The following NIM1K variants were observed in gnomAD, a reference collection of about 807,000 sequenced individuals.
NIM1K encodes the protein NIM1 serine/threonine protein kinase.
Under a neutral mutation model 37.1 loss-of-function variants are expected in NIM1K, and 35 were observed. That is an observed-to-expected ratio of 0.94 (90% CI 0.72 to 1.25). The LOEUF is 1.25. Ranked by LOEUF, NIM1K falls within the 50% of genes most tolerant of loss-of-function variation. The pLI is 0.00. For missense variants in NIM1K, 564 were observed against 548.0 expected, an observed-to-expected ratio of 1.03 and a Z score of -0.29; for synonymous variants, 234 against 206.6, an observed-to-expected ratio of 1.13 and a Z score of -1.14.
At chr5:43,206,717 G>A in intron 1 of NIM1K, 2 of 718,460 alleles carry the variant, frequency 2.8e-6, no homozygotes, top group East Asian at 2.6e-5. Context: ...CACTAAGGCA[G>A]CAGCACAGCA....
chr5:43,255,754 A>AGAAAGAAAGAAAG (rs1554016084), intron 2 of NIM1K, among the ~76,000 whole-genome samples: 1 of 131,808 alleles, frequency 7.6e-6, no homozygotes, highest in Admixed American at 8.1e-5. Context: ...TCTCAAAAAA[A>AGAAAGAAAGAAAG]AAAGAAAGAA....
At chr5:43,193,309 C>G (rs1751860393) in intron 1 of NIM1K, 1 of 151,522 alleles carries the variant, frequency 6.6e-6, no homozygotes, top group East Asian at 1.9e-4. Flanking sequence ...TTTCCCTCTT[C>G]TCCCTCCCTC....
At chr5:43,249,885 C>T (rs1417491320) in intron 2 of NIM1K, among the ~76,000 whole-genome samples, 2 of 135,786 alleles carry the variant, frequency 1.5e-5, no homozygotes, top group Non-Finnish European at 3.1e-5. Flanking sequence ...TGGAGTCTCG[C>T]TCTGTTGCCC....
intron 2 of NIM1K, among the ~76,000 whole-genome samples, chr5:43,274,703 G>A (rs1035298355): frequency 1.3e-5 from 2 of 152,212 alleles, no homozygotes; most frequent in Non-Finnish European, 2.9e-5. Flanking sequence ...CCACCGCTCA[G>A]TATTGCCTCC....
At chr5:43,198,207 C>CTTTCTTTCTTTCTCTCTCTTTCTT (rs1281355308) in intron 1 of NIM1K, among the ~76,000 whole-genome samples, 1 of 48,872 alleles carries the variant, frequency 2.0e-5, no homozygotes. Context: ...TTCTTTCTTT[C>CTTTCTTTCTTTCTCTCTCTTTCTT]TCTTTCTTTC....
At chr5:43,267,228 T>A (rs1405495988) in intron 2 of NIM1K, among the ~76,000 whole-genome samples, 1 of 152,194 alleles carries the variant, frequency 6.6e-6, no homozygotes, top group Non-Finnish European at 1.5e-5. Flanking sequence ...TTCTTCTATG[T>A]TTTTTAGTTT....
chr5:43,199,402 T>A (rs1751985960), intron 1 of NIM1K, among the ~76,000 whole-genome samples: 1 of 151,904 alleles, frequency 6.6e-6, no homozygotes. Context: ...TTATTTTTCT[T>A]GCAGAAGAAG....
intron 1 of NIM1K, among the ~76,000 whole-genome samples, chr5:43,200,811 C>T (rs1024695083): frequency 6.6e-6 from 1 of 152,070 alleles, no homozygotes; most frequent in Non-Finnish European, 1.5e-5. Context: ...AGAGAAGTAA[C>T]TGGGTTGGAC....
intron 1 of NIM1K, among the ~76,000 whole-genome samples, chr5:43,236,256 T>C (rs1357930932): frequency 2.0e-5 from 3 of 151,406 alleles, no homozygotes; most frequent in African/African-American, 7.3e-5. Flanking sequence ...GAGAGTGAGA[T>C]CCTGTGTCAA....
intron 1 of NIM1K, among the ~76,000 whole-genome samples, chr5:43,210,065 A>G (rs1279566538): frequency 6.6e-6 from 1 of 152,200 alleles, no homozygotes; most frequent in Non-Finnish European, 1.5e-5. Flanking sequence ...GTATGTACAC[A>G]GTAACTGAAA....
intron 2 of NIM1K, among the ~76,000 whole-genome samples, chr5:43,265,524 C>CT (rs1355712690): frequency 2.0e-5 from 3 of 152,080 alleles, no homozygotes; most frequent in African/African-American, 7.2e-5. Context: ...TTGTCTAATC[C>CT]TTTTTCAAGG....
chr5:43,231,768 A>T, intron 1 of NIM1K: 1 of 1,167,688 alleles, frequency 8.6e-7, no homozygotes, highest in Non-Finnish European at 1.2e-6. Context: ...TTTAAAACAG[A>T]ATAAGCTTCC....
intron 2 of NIM1K, among the ~76,000 whole-genome samples, chr5:43,255,225 G>A (rs374978607): frequency 3.3e-5 from 5 of 152,210 alleles, no homozygotes; most frequent in South Asian, 2.1e-4. Context: ...CAAATGGAGC[G>A]CACACTATTA....
chr5:43,193,986 T>A (rs1480404657), intron 1 of NIM1K, among the ~76,000 whole-genome samples: 4 of 152,190 alleles, frequency 2.6e-5, no homozygotes, highest in East Asian at 1.9e-4. Flanking sequence ...GTTGTTGTTT[T>A]TTTTATTTTA....
chr5:43,214,813 C>CAA (rs369233525), intron 1 of NIM1K, among the ~76,000 whole-genome samples: 889 of 71,154 alleles, frequency 0.012, 20 homozygotes, highest in East Asian at 0.016. Flanking sequence ...GACTCCGTCT[C>CAA]AAAAAAAAAA....
chr5:43,206,730 C>G, intron 1 of NIM1K: 1 of 734,290 alleles, frequency 1.4e-6, no homozygotes, highest in Non-Finnish European at 2.5e-6. Context: ...GCACAGCACA[C>G]TTGACTTCAT....
intron 2 of NIM1K, among the ~76,000 whole-genome samples, chr5:43,246,990 G>T (rs1422754253): frequency 6.6e-6 from 1 of 152,060 alleles, no homozygotes; most frequent in Non-Finnish European, 1.5e-5. Flanking sequence ...TCTCTGCTTG[G>T]ACTCAGCCAG....
At chr5:43,204,660 G>A (rs530060964) in intron 1 of NIM1K, among the ~76,000 whole-genome samples, 1 of 148,172 alleles carries the variant, frequency 6.7e-6, no homozygotes, top group East Asian at 2.0e-4. Context: ...AGCCAAGATG[G>A]TGCCACTGCA....
chr5:43,252,930 C>A (rs918003188), intron 2 of NIM1K, among the ~76,000 whole-genome samples: 3 of 150,100 alleles, frequency 2.0e-5, no homozygotes, highest in Non-Finnish European at 4.4e-5. Flanking sequence ...CTTCCTCCCA[C>A]TTTATTTATC....
Sources: gnomAD v4.1 joint callset for allele counts (sites outside exome capture counted in the v4.1 genomes callset) on GRCh38, gnomAD v4.1.1 for gene constraint, MANE v1.5 for transcripts, NCBI Gene and HGNC (gene_info 2026-07-23, HGNC 2026-07-21) for gene names.